The following LARGE1 variants were observed in gnomAD, a reference collection of about 807,000 sequenced individuals.
The protein encoded by LARGE1 is LARGE xylosyl- and glucuronyltransferase 1.
A neutral mutation model predicts 87.6 loss-of-function variants in LARGE1; 43 were observed. The ratio of observed to expected loss-of-function variants is 0.49; its 90% confidence interval spans 0.38 to 0.63. The LOEUF (loss-of-function observed/expected upper bound fraction) is 0.63, where lower values mean the gene tolerates loss of function less well. Ranked by LOEUF, LARGE1 falls within the 30% of genes least tolerant of loss-of-function variation. LARGE1 has a pLI of 0.00. For synonymous variants in LARGE1, 434 were observed against 394.6 expected (o/e 1.10, Z -1.18); for missense variants, 802 against 1,000.2 (o/e 0.80, Z 2.67).
At chr22:33,503,682 C>T (rs1367159748) in intron 6 of LARGE1, among the ~76,000 whole-genome samples, 1 of 151,078 alleles carries the variant, frequency 6.6e-6, no homozygotes, top group Admixed American at 6.6e-5. Flanking sequence ...GCCTGTAATC[C>T]CAGCTACTCA....
intron 7 of LARGE1, among the ~76,000 whole-genome samples, chr22:33,424,677 G>C (rs1056396650): frequency 2.6e-5 from 4 of 151,734 alleles, no homozygotes; most frequent in Non-Finnish European, 5.9e-5. Context: ...ATAAGAAAAT[G>C]AGCCTAGGGT....
chr22:33,794,431 A>G (rs2085919003), intron 1 of LARGE1, among the ~76,000 whole-genome samples: 1 of 152,206 alleles, frequency 6.6e-6, no homozygotes, highest in South Asian at 2.1e-4. Context: ...AAGAGGAGCA[A>G]GAAGGCAGCA....
chr22:33,518,614 C>A (rs2148489775), intron 6 of LARGE1, among the ~76,000 whole-genome samples: 1 of 152,294 alleles, frequency 6.6e-6, no homozygotes, highest in African/African-American at 2.4e-5. Flanking sequence ...CGGCCTCAGG[C>A]ACAGGATTTG....
intron 7 of LARGE1, among the ~76,000 whole-genome samples, chr22:33,391,817 A>T (rs1446265966): frequency 7.4e-6 from 1 of 134,954 alleles, no homozygotes; most frequent in African/African-American, 2.8e-5. Context: ...TCGCTCAGGC[A>T]GGAGTGCAAT....
intron 1 of LARGE1, among the ~76,000 whole-genome samples, chr22:33,882,890 C>T (rs149722036): frequency 0.011 from 1,694 of 152,270 alleles, 9 homozygotes; most frequent in Non-Finnish European, 0.017. Context: ...ACTAATCACT[C>T]CATAATCCAA....
chr22:33,201,725 G>A (rs4497963), intron 11 of LARGE1, among the ~76,000 whole-genome samples: 12,084 of 152,176 alleles, frequency 0.079, 620 homozygotes, highest in Middle Eastern at 0.19. Context: ...AAGTGATAAG[G>A]GCCAGATCCT....
At chr22:33,583,596 A>G (rs990841137) in intron 5 of LARGE1, among the ~76,000 whole-genome samples, 1 of 152,232 alleles carries the variant, frequency 6.6e-6, no homozygotes, top group Non-Finnish European at 1.5e-5. Context: ...AACAACGCCT[A>G]TCCCATTCAG....
chr22:33,719,663 G>A (rs1442805377), intron 2 of LARGE1, among the ~76,000 whole-genome samples: 1 of 151,992 alleles, frequency 6.6e-6, no homozygotes, highest in African/African-American at 2.4e-5. Context: ...TGGGACTACA[G>A]GTGCCCACCA....
upstream of LARGE1, among the ~76,000 whole-genome samples, chr22:33,920,717 G>A (rs1294466432): frequency 6.9e-6 from 1 of 145,190 alleles, no homozygotes; most frequent in Non-Finnish European, 1.5e-5. Context: ...GAGCCGAGGC[G>A]GGCGGCCCCC....
intron 10 of LARGE1, among the ~76,000 whole-genome samples, chr22:33,317,949 G>A (rs1226156799): frequency 1.3e-5 from 2 of 151,980 alleles, no homozygotes; most frequent in Admixed American, 1.3e-4. Flanking sequence ...TAGAATGGGA[G>A]GACTTGGCCA....
the LARGE1 span, among the ~76,000 whole-genome samples, chr22:33,146,311 C>G: frequency 6.6e-6 from 1 of 152,126 alleles, no homozygotes; most frequent in Non-Finnish European, 1.5e-5. Flanking sequence ...GCTACTTACC[C>G]AAAACCCATT....
chr22:33,668,019 C>A (rs1338474334), intron 2 of LARGE1, among the ~76,000 whole-genome samples: 5 of 152,294 alleles, frequency 3.3e-5, no homozygotes, highest in Middle Eastern at 3.4e-3. Context: ...AGTTGTCTTG[C>A]CAACATCTTA....
At chr22:33,498,926 C>T (rs542743038) in intron 6 of LARGE1, among the ~76,000 whole-genome samples, 50 of 152,068 alleles carry the variant, frequency 3.3e-4, no homozygotes, top group African/African-American at 1.2e-3. Flanking sequence ...GAGCCGAGAT[C>T]GCGCCACTGC....
intron 6 of LARGE1, among the ~76,000 whole-genome samples, chr22:33,476,729 T>C (rs1335309485): frequency 6.7e-6 from 1 of 150,204 alleles, no homozygotes; most frequent in African/African-American, 2.5e-5. Flanking sequence ...ATACTAGGTA[T>C]TAACTACACC....
chr22:33,731,439 G>A (rs149539274), intron 2 of LARGE1, among the ~76,000 whole-genome samples: 2,443 of 152,274 alleles, frequency 0.016, 36 homozygotes, highest in Non-Finnish European at 0.022. Context: ...TTAAATTCAG[G>A]AAAGGGAATG....
intron 1 of LARGE1, among the ~76,000 whole-genome samples, chr22:33,765,731 T>TAAAAAA (rs2084881607): frequency 7.4e-6 from 1 of 134,286 alleles, no homozygotes. Context: ...AAAAAAAAAG[T>TAAAAAA]TATAGACAAA....
chr22:33,767,348 G>T (rs897629866), intron 1 of LARGE1, among the ~76,000 whole-genome samples: 1 of 151,124 alleles, frequency 6.6e-6, no homozygotes, highest in Non-Finnish European at 1.5e-5. Flanking sequence ...TAAAAGTTTT[G>T]ATCTCTATGT....
chr22:33,258,092 G>A (rs1927414831), intron 11 of LARGE1, among the ~76,000 whole-genome samples: 1 of 152,086 alleles, frequency 6.6e-6, no homozygotes, highest in Non-Finnish European at 1.5e-5. Flanking sequence ...GCAGTGATAC[G>A]ATCTTGGCTT....
At chr22:33,883,438 A>G (rs117460021) in intron 1 of LARGE1, among the ~76,000 whole-genome samples, 1 of 152,186 alleles carries the variant, frequency 6.6e-6, no homozygotes, top group Non-Finnish European at 1.5e-5. Flanking sequence ...TCCTGCCTGA[A>G]GTACAGCCCT....
Sources: gnomAD v4.1 joint callset for allele counts (sites outside exome capture counted in the v4.1 genomes callset) on GRCh38, gnomAD v4.1.1 for gene constraint, MANE v1.5 for transcripts, NCBI Gene and HGNC (gene_info 2026-07-23, HGNC 2026-07-21) for gene names.